The following ZNF429 variants were observed in gnomAD, a reference collection of about 807,000 sequenced individuals.
ZNF429 encodes zinc finger protein 429.
A neutral mutation model predicts 56.8 loss-of-function variants in ZNF429; 53 were observed. That is an observed-to-expected ratio of 0.93 (90% CI 0.75 to 1.17). The LOEUF (loss-of-function observed/expected upper bound fraction) is 1.17. ZNF429 is among the 50% of genes most tolerant of loss of function. The probability of loss-of-function intolerance (pLI) is 0.00; values close to 1 mark genes in which losing one functional copy is unlikely to be tolerated. For synonymous variants in ZNF429, 278 were observed against 264.7 expected (o/e 1.05, Z -0.49); for missense variants, 849 against 788.4 (o/e 1.08, Z -0.92).
intron 1 of ZNF429, among the ~76,000 whole-genome samples, chr19:21,517,782 C>A (rs550464912): frequency 4.0e-5 from 6 of 150,214 alleles, no homozygotes; most frequent in African/African-American, 1.2e-4. Flanking sequence ...TAGTAATGAC[C>A]CTTTTGTCAT....
intron 1 of ZNF429, among the ~76,000 whole-genome samples, chr19:21,514,018 C>G (rs2032623358): frequency 6.6e-6 from 1 of 152,170 alleles, no homozygotes; most frequent in African/African-American, 2.4e-5. Flanking sequence ...CAATCTGCAA[C>G]AGCAACCTGT....
At position 21,538,109 on chromosome 19, in the gene ZNF429, CAAAA is replaced by C. The variant is rs35018389; in HGVS notation, c.*48_*51del. On this transcript the variant is annotated 3_prime_UTR_variant, in exon 4 of 4. Transcript: ENST00000358491. ...TGAAACCCCGTCTCTACTAAAAATACAAAAAAAAAAAAAAAAAAAATTAGCCAGG... is the reference window on the plus strand; with the variant it reads ...TGAAACCCCGTCTCTACTAAAAATACAAAAAAAAAAAAAAAATTAGCCAGG... The C allele has an allele frequency of 3.0e-3, 1,332 of 444,774 alleles. No homozygotes were observed. The highest frequency in any genetic ancestry group is 4.2e-3 in the East Asian group (97 of 23,082). The allele number at this position is 444,774 out of a possible 1,614,324, so 27.6% of individuals were successfully genotyped here.
At chr19:21,515,161 G>A (rs1204011423) in intron 1 of ZNF429, among the ~76,000 whole-genome samples, 3 of 150,114 alleles carry the variant, frequency 2.0e-5, no homozygotes, top group East Asian at 3.9e-4. Flanking sequence ...GACTGGTCTC[G>A]AACTCCTGAC....
intron 1 of ZNF429, 102 bp downstream of exon 1, chr19:21,505,876 A>C: frequency 7.6e-7 from 1 of 1,319,040 alleles, no homozygotes; most frequent in South Asian, 1.2e-5. Context: ...TCAGCTCCAC[A>C]ATCTGCGCCC....
rs2033698831 is a variant in ZNF429 at position 21,536,804 on chromosome 19, C to G, written c.751C>G (p.His251Asp). 4.3e-6 allele frequency: 7 copies of G among 1,613,906 alleles called. No homozygotes were observed. The East Asian group carries it at 1.6e-4, about 36-fold the overall frequency. Reference protein sequence around the residue: ...YSTLTNHKRIHTGEKPYKCKE... With the variant: ...YSTLTNHKRIDTGEKPYKCKE... ...AACCCTTACTAACCATAAGAGAATT[C>G]ATACTGGAGAGAAACCCTACAAATG... The change falls in exon 4 of 4, where the codon CAT becomes GAT. Residue 251 changes from histidine (H) to aspartate (D), a missense_variant. His to Asp is a moderately conservative substitution (Grantham distance 81, BLOSUM62 -1). Transcript: ENST00000358491.
At chr19:21,532,746 T>A in intron 3 of ZNF429, among the ~76,000 whole-genome samples, 1 of 151,536 alleles carries the variant, frequency 6.6e-6, no homozygotes, top group African/African-American at 2.4e-5. Context: ...TCACCCAGGC[T>A]GGAGTGCAGT....
chr19:21,538,696 C>G lies in ZNF429; in HGVS notation c.*618C>G, dbSNP rs192514272. ...CAAAACTCGTTTTAACTAATGCTCA[C>G]ATCTTATTGCATAGAAAAGCATTTA... On this transcript the variant is annotated 3_prime_UTR_variant, in exon 4 of 4. Transcript: ENST00000358491. 1 of 152,192 alleles carries G rather than the reference C, an allele frequency of 6.6e-6. No homozygotes were observed. Among genetic ancestry groups the G allele is most frequent in the Non-Finnish European group, 1.5e-5 (1 of 68,044 alleles). The allele number at this position is 152,192 out of a possible 1,614,324, so 9.4% of individuals were successfully genotyped here. A position where few individuals can be genotyped will look rare whatever the true frequency, so the allele number is the denominator to read the frequency against.
Position 21,536,512 on chromosome 19 carries a change from CTT to C in ZNF429, c.462_463del (p.Phe154LeufsTer8). ...ATCACTGTGATATATATGTAAAAGT[CTT>C]TTATGCATTTTCAAATGCAGATAGA... is the stretch of plus-strand genomic sequence containing the variant. ...MYHCDIYVKV[F>X]YAFSNADRYK... On this transcript the variant is annotated frameshift_variant, in exon 4 of 4. Transcript: ENST00000358491. LOFTEE classifies it high-confidence loss of function. 6.2e-7 allele frequency: 1 copy of C among 1,612,534 alleles called. No individual in the cohort carries two copies. The highest frequency in any genetic ancestry group is 8.5e-7 in the Non-Finnish European group (1 of 1,179,444).
chr19:21,515,704 T>C (rs1204143486), intron 1 of ZNF429, among the ~76,000 whole-genome samples: 1 of 152,226 alleles, frequency 6.6e-6, no homozygotes, highest in African/African-American at 2.4e-5. Flanking sequence ...AGAATGGTAT[T>C]TCCTAGGTCA....
chr19:21,535,369 CTTT>C lies in ZNF429; in HGVS notation c.227-910_227-908del. 8.3e-4 allele frequency among the ~76,000 whole-genome samples: 61 copies of C among 73,466 alleles called. 5 individuals are homozygous for C. The highest frequency in any genetic ancestry group is 3.4e-3 in the African/African-American group (55 of 16,340). The allele number at this position is 73,466 out of a possible 152,430, so 48.2% of individuals were successfully genotyped here. A position where few individuals can be genotyped will look rare whatever the true frequency, so the allele number is the denominator to read the frequency against. ...CTTTCCTTTCTTTTCTTCTTTCTTT[CTTT>C]CTTTCTTTTTTACTTTCTTTCTTTC... is the stretch of plus-strand genomic sequence containing the variant. On this transcript the variant is annotated intron_variant, in intron 3 of 3. Coordinates refer to ENST00000358491, the MANE Select transcript of ZNF429 (RefSeq NM_001001415.4).
rs982052778 is a variant in ZNF429, at chr19:21,539,342, TAAAAC to T, written c.*1265_*1269del. On this transcript the variant is annotated 3_prime_UTR_variant, in exon 4 of 4. Coordinates refer to ENST00000358491, the MANE Select transcript of ZNF429 (RefSeq NM_001001415.4). ...ACACTAAAGTGCTGAGTATAGAAAATAAAACTAAAGTTGTTAAATTATTTGTATAT... is the reference window on the plus strand; with the variant it reads ...ACACTAAAGTGCTGAGTATAGAAAATTAAAGTTGTTAAATTATTTGTATAT... Among the ~76,000 whole-genome samples, 13 of 152,168 alleles carry T rather than the reference TAAAAC, an allele frequency of 8.5e-5. No homozygotes were observed. The highest frequency in any genetic ancestry group is 6.8e-3 in the Middle Eastern group (2 of 294).
rs528347181 is a variant in ZNF429 at position 21,523,518 on chromosome 19, G to T, written c.4-6140G>T. On this transcript the variant is annotated intron_variant, in intron 1 of 3. Transcript: ENST00000358491. ...GCCACCAGTGGCTATAAATTAAACT[G>T]ATAGTGCCACACTGGACACTATAGC... 3.3e-5 allele frequency among the ~76,000 whole-genome samples: 5 copies of T among 152,332 alleles called. No individual in the cohort carries two copies. In the South Asian group the frequency reaches 1.0e-3, roughly 32 times the overall value.
At position 21,536,904 on chromosome 19, in the gene ZNF429, C is replaced by T. The variant is rs754922135; in HGVS notation, c.851C>T (p.Pro284Leu). The change falls in exon 4 of 4, where the codon CCC becomes CTC. Residue 284 changes from proline to leucine, a missense_variant. Transcript: ENST00000358491. ...THKRIHSGEK[P>L]YKCDECGKTF... ...AAGAGAATTCATTCTGGAGAGAAGC[C>T]CTACAAATGTGATGAATGTGGCAAA... 1.2e-6 allele frequency: 2 copies of T among 1,612,016 alleles called. No homozygotes were observed. Among genetic ancestry groups the T allele is most frequent in the Non-Finnish European group, 1.7e-6 (2 of 1,179,104 alleles).
intron 3 of ZNF429, among the ~76,000 whole-genome samples, chr19:21,531,020 C>T: frequency 1.4e-5 from 2 of 147,040 alleles, no homozygotes; most frequent in South Asian, 4.4e-4. Flanking sequence ...GCAGGAGAAT[C>T]GCTTGAATCT....
At chr19:21,512,593 G>A (rs2032545849) in intron 1 of ZNF429, among the ~76,000 whole-genome samples, 1 of 150,518 alleles carries the variant, frequency 6.6e-6, no homozygotes, top group Non-Finnish European at 1.5e-5. Flanking sequence ...GAACCGGGGA[G>A]GTGGTGGTTA....
chr19:21,510,394 G>C (rs2032393681), intron 1 of ZNF429, among the ~76,000 whole-genome samples: 2 of 152,116 alleles, frequency 1.3e-5, no homozygotes. Context: ...GTACAGGAAA[G>C]TGGTCCCAAT....
intron 1 of ZNF429, among the ~76,000 whole-genome samples, chr19:21,511,204 G>A (rs184417300): frequency 0.2 from 29,692 of 151,052 alleles, 2,946 homozygotes; most frequent in Middle Eastern, 0.22. Context: ...CTGGCCGGGC[G>A]GGGGCTGACC....
chr19:21,536,066 G>A, intron 3 of ZNF429, among the ~76,000 whole-genome samples: 8 of 152,076 alleles, frequency 5.3e-5, no homozygotes, highest in African/African-American at 1.2e-4. Flanking sequence ...CACCTGGGGC[G>A]TTGTACACAT....
chr19:21,515,986 C>T (rs1245467527), intron 1 of ZNF429, among the ~76,000 whole-genome samples: 1 of 152,118 alleles, frequency 6.6e-6, no homozygotes, highest in Non-Finnish European at 1.5e-5. Flanking sequence ...GTTTCTATCA[C>T]CCTGCAATAT....
Sources: allele counts gnomAD v4.1 joint callset (sites outside exome capture counted in the v4.1 genomes callset), GRCh38; gene constraint gnomAD v4.1.1; transcripts MANE v1.5; gene names NCBI Gene and HGNC (gene_info 2026-07-23, HGNC 2026-07-21).